Variants in GALNT2 observed in about 807,000 individuals in gnomAD.
GALNT2 encodes the protein UDP-GalNAc:polypeptide N-acetylgalactosaminyltransferase 2.
A neutral mutation model predicts 81.4 loss-of-function variants in GALNT2; 31 were observed. The ratio of observed to expected loss-of-function variants is 0.38; its 90% CI spans 0.29 to 0.51. The LOEUF (loss-of-function observed/expected upper bound fraction) is 0.51, where lower values mean the gene tolerates loss of function less well. Among genes scored for constraint, GALNT2 ranks in the 20% least tolerant of loss-of-function variants. The pLI is 0.87. For synonymous variants in GALNT2, 303 were observed against 287.4 expected (o/e 1.05, Z -0.55); for missense variants, 629 against 765.7 (o/e 0.82, Z 2.11).
upstream of GALNT2, among the ~76,000 whole-genome samples, chr1:230,066,322 C>T (rs1413064282): frequency 6.6e-6 from 1 of 152,214 alleles, no homozygotes; most frequent in East Asian, 1.9e-4. Context: ...AGATCGTTTT[C>T]TTGTATCGTT....
chr1:230,091,318 G>GC (rs1261557842), intron 1 of GALNT2, among the ~76,000 whole-genome samples: 5 of 151,740 alleles, frequency 3.3e-5, no homozygotes, highest in African/African-American at 9.7e-5. Context: ...TTGTGATACG[G>GC]CCACCTTGGC....
intron 2 of GALNT2, among the ~76,000 whole-genome samples, chr1:230,186,917 T>C (rs73111995): frequency 0.013 from 2,036 of 152,380 alleles, 47 homozygotes; most frequent in African/African-American, 0.046. Context: ...TTTTTTGTTG[T>C]TAGAAATTAT....
At chr1:230,183,613 A>C (rs1238089077) in intron 2 of GALNT2, among the ~76,000 whole-genome samples, 1 of 152,246 alleles carries the variant, frequency 6.6e-6, no homozygotes, top group East Asian at 1.9e-4. Context: ...AATATATAAA[A>C]GAATACATGA....
At chr1:230,259,056 A>T (rs913524429) in intron 11 of GALNT2, 2 of 152,242 alleles carry the variant, frequency 1.3e-5, no homozygotes, top group Admixed American at 6.5e-5. Context: ...GTTGACCTTC[A>T]GCCAGGTTGC....
In GALNT2 at chr1:230,112,711, G is replaced by A. The variant is rs576153410; in HGVS notation, c.126+45305G>A. Among the ~76,000 whole-genome samples, 10 of 150,814 alleles carry A rather than the reference G, an allele frequency of 6.6e-5. 1 individual carries two copies. Among genetic ancestry groups the A allele is most frequent in the African/African-American group, 2.4e-4 (10 of 41,180 alleles). On this transcript the variant is annotated intron_variant, in intron 1 of 15. Coordinates refer to ENST00000366672, the MANE Select transcript of GALNT2 (RefSeq NM_004481.5). ...GAGAGGGTGGCTGAGTGGAGGAAGCGCAGTTGTGCTGCGGAGATTCCTGCT... is the reference window on the plus strand; with the variant it reads ...GAGAGGGTGGCTGAGTGGAGGAAGCACAGTTGTGCTGCGGAGATTCCTGCT...
intron 1 of GALNT2, among the ~76,000 whole-genome samples, chr1:230,071,325 C>T (rs1479965636): frequency 6.6e-6 from 1 of 152,150 alleles, no homozygotes; most frequent in South Asian, 2.1e-4. Flanking sequence ...GACACCATGC[C>T]AGCTCTCTTG....
In GALNT2 at chr1:230,246,138, G is replaced by C. The variant is rs1665362325; in HGVS notation, c.805G>C (p.Asp269His). The C allele has an allele frequency of 6.2e-7, 1 of 1,613,896 alleles. No homozygotes were observed. Among genetic ancestry groups the C allele is most frequent in the Non-Finnish European group, 8.5e-7 (1 of 1,179,800 alleles). ...CTTTCAGTATGTGGGGGCATCTGCT[G>C]ACTTGAAGGGCGGTAGGTGTCTGTC... is the stretch of plus-strand genomic sequence containing the variant. Reference protein sequence around the residue: ...DNFQYVGASADLKGGFDWNLV... With the variant: ...DNFQYVGASAHLKGGFDWNLV... The change falls in exon 8 of 16, where the codon GAC (aspartate) becomes CAC (histidine). Residue 269 changes from aspartate (D) to histidine (H), a missense_variant. This residue lies in a region of GALNT2 where 360 missense variants were observed against 492.8 expected (regional missense o/e 0.73). Coordinates refer to ENST00000366672, the MANE Select transcript of GALNT2 (RefSeq NM_004481.5).
chr1:230,154,358 T>TG (rs1205884055), intron 1 of GALNT2, among the ~76,000 whole-genome samples: 1 of 152,168 alleles, frequency 6.6e-6, no homozygotes, highest in East Asian at 1.9e-4. Context: ...GGTACAGAGC[T>TG]GATGCCGTTG....
At chr1:230,075,822 G>T (rs1285286756) in intron 1 of GALNT2, among the ~76,000 whole-genome samples, 4 of 152,192 alleles carry the variant, frequency 2.6e-5, no homozygotes. Context: ...TATTAAAGTG[G>T]TGATCACGTA....
At chr1:230,234,742 T>G (rs150387672) in intron 3 of GALNT2, among the ~76,000 whole-genome samples, 21 of 152,334 alleles carry the variant, frequency 1.4e-4, no homozygotes, top group African/African-American at 5.1e-4. Context: ...CCCAGGTGTG[T>G]TGTTCTCTCA....
At position 230,209,201 on chromosome 1, in the gene GALNT2, C is replaced by T. The variant is rs1353677219; in HGVS notation, c.374+5911C>T. Among the ~76,000 whole-genome samples the T allele has an allele frequency of 2.0e-5, 3 of 152,180 alleles. No homozygotes were observed. The East Asian group carries it at 5.8e-4, about 29-fold the overall frequency. ...GGCCCCACAGGAAGTCTCTGTCCCTCTGACTAGCAGCCGCATGGAAGTATG... is the reference window on the plus strand; with the variant it reads ...GGCCCCACAGGAAGTCTCTGTCCCTTTGACTAGCAGCCGCATGGAAGTATG... On this transcript the variant is annotated intron_variant, in intron 3 of 15. Coordinates refer to ENST00000366672, the MANE Select transcript of GALNT2 (RefSeq NM_004481.5).
At chr1:230,179,556 TG>T (rs1320131900) in intron 2 of GALNT2, among the ~76,000 whole-genome samples, 1 of 152,238 alleles carries the variant, frequency 6.6e-6, no homozygotes, top group African/African-American at 2.4e-5. Flanking sequence ...TGACATATGA[TG>T]TTGAGCATCT....
intron 1 of GALNT2, among the ~76,000 whole-genome samples, chr1:230,068,790 G>C (rs939601303): frequency 6.6e-6 from 1 of 152,126 alleles, no homozygotes; most frequent in Admixed American, 6.5e-5. Flanking sequence ...GTGCTGAATC[G>C]GCCTAGCTTC....
At chr1:230,144,795 A>G (rs1424380472) in intron 1 of GALNT2, among the ~76,000 whole-genome samples, 2 of 152,154 alleles carry the variant, frequency 1.3e-5, no homozygotes. Context: ...TTAAAGACTA[A>G]GGGATTTGAA....
intron 1 of GALNT2, among the ~76,000 whole-genome samples, chr1:230,137,362 G>C (rs1661582586): frequency 6.6e-6 from 1 of 152,226 alleles, no homozygotes; most frequent in African/African-American, 2.4e-5. Flanking sequence ...CTGTGTTTGG[G>C]CCAGATGTCC....
chr1:230,159,163 TGTACCC>T (rs767349284), intron 1 of GALNT2, among the ~76,000 whole-genome samples: 64 of 152,344 alleles, frequency 4.2e-4, no homozygotes, highest in Non-Finnish European at 7.9e-4. Context: ...GAAAGGACGC[TGTACCC>T]CTGCCCTATT....
At position 230,215,486 on chromosome 1, in the gene GALNT2, TAGTG is replaced by T. The variant is rs370757925; in HGVS notation, c.374+12200_374+12203del. ...TTCATCCCGAATTTCTGGTTGCTTT[TAGTG>T]AGTAGGTTGGTCTACAGCAAGGAAC... On this transcript the variant is annotated intron_variant, in intron 3 of 15. Transcript: ENST00000366672. 3.4e-3 allele frequency among the ~76,000 whole-genome samples: 511 copies of T among 152,368 alleles called. 2 individuals carry two copies. The highest frequency in any genetic ancestry group is 0.012 in the African/African-American group (492 of 41,586).
intron 1 of GALNT2, among the ~76,000 whole-genome samples, chr1:230,113,189 C>G (rs1285281905): frequency 6.6e-6 from 1 of 152,160 alleles, no homozygotes; most frequent in Non-Finnish European, 1.5e-5. Context: ...GTGCTCTGAA[C>G]AGCTCTGTTG....
At position 230,243,838 on chromosome 1, in the gene GALNT2, C is replaced by A. The variant is rs1385436245; in HGVS notation, c.729+411C>A. 6.6e-6 allele frequency among the ~76,000 whole-genome samples: 1 copy of A among 152,120 alleles called. No homozygotes were observed. The highest frequency in any genetic ancestry group is 1.5e-5 in the Non-Finnish European group (1 of 68,026). On this transcript the variant is annotated intron_variant, in intron 7 of 15. Coordinates refer to ENST00000366672, the MANE Select transcript of GALNT2 (RefSeq NM_004481.5). This position sits in a 1 kb window ranked among gnomAD's most constrained non-coding sequence, Gnocchi z 4.2. ...GAGCGGGGCGTGCTGGGGAAGCTGTCCCTGGGGCCACCTCTCTGCTCTTAG... is the reference window on the plus strand; with the variant it reads ...GAGCGGGGCGTGCTGGGGAAGCTGTACCTGGGGCCACCTCTCTGCTCTTAG...
Sources: gnomAD v4.1 joint callset for allele counts (sites outside exome capture counted in the v4.1 genomes callset) on GRCh38, gnomAD v4.1.1 for gene constraint, gnomAD v4.1.1 regional missense constraint, Gnocchi (gnomAD v3.1) non-coding constraint, MANE v1.5 for transcripts, NCBI Gene and HGNC (gene_info 2026-07-23, HGNC 2026-07-21) for gene names.